Variants in CSMD1 observed in about 807,000 individuals in gnomAD.
CSMD1 encodes CUB and Sushi multiple domains 1.
Under a neutral mutation model 417.5 loss-of-function variants are expected in CSMD1, and 213 were observed. That is an observed-to-expected ratio of 0.51 (90% CI 0.46 to 0.57). CSMD1 has a LOEUF of 0.57. Among genes scored for constraint, CSMD1 ranks in the 20% least tolerant of loss-of-function variants. The pLI is 0.00. For synonymous variants in CSMD1, 2,862 were observed against 1,736.8 expected, an observed-to-expected ratio of 1.65 and a Z score of -16.11; for missense variants, 6,923 against 4,529.7, an observed-to-expected ratio of 1.53 and a Z score of -15.17.
At chr8:4,789,502 G>C (rs1416073377) in intron 1 of CSMD1, among the ~76,000 whole-genome samples, 2 of 152,092 alleles carry the variant, frequency 1.3e-5, no homozygotes, top group Admixed American at 6.6e-5. Context: ...AAATGCTAAA[G>C]CCACCTCACC....
chr8:2,966,116 C>T (rs1038090868), intron 58 of CSMD1, among the ~76,000 whole-genome samples, 162 bp from the exon 59 acceptor site: 4 of 151,726 alleles, frequency 2.6e-5, no homozygotes, highest in African/African-American at 4.8e-5. Context: ...TTCACTGACC[C>T]GCTGTCAGAA....
intron 25 of CSMD1, among the ~76,000 whole-genome samples, chr8:3,301,462 G>A (rs956573174): frequency 4.6e-5 from 7 of 152,146 alleles, no homozygotes; most frequent in Non-Finnish European, 7.3e-5. Context: ...GAAGGTAACT[G>A]ATGAAGAGAA....
chr8:4,189,679 G>C (rs1458835372), intron 3 of CSMD1, among the ~76,000 whole-genome samples: 1 of 152,072 alleles, frequency 6.6e-6, no homozygotes, highest in Non-Finnish European at 1.5e-5. Context: ...GAATGCATTT[G>C]AACGGAAAGA....
At chr8:3,595,685 G>C (rs1028268470) in intron 8 of CSMD1, among the ~76,000 whole-genome samples, 2 of 152,140 alleles carry the variant, frequency 1.3e-5, no homozygotes, top group Admixed American at 1.3e-4. Flanking sequence ...TTGACAATGA[G>C]GTGTGAATTT....
intron 2 of CSMD1, among the ~76,000 whole-genome samples, chr8:4,459,642 A>T (rs1799689579): frequency 6.6e-6 from 1 of 152,224 alleles, no homozygotes; most frequent in African/African-American, 2.4e-5. Context: ...ACAAACCTCA[A>T]AGCCTGGCCT....
At chr8:3,480,349 GAGAA>G (rs1817671597) in intron 11 of CSMD1, among the ~76,000 whole-genome samples, 1 of 152,098 alleles carries the variant, frequency 6.6e-6, no homozygotes, top group African/African-American at 2.4e-5. Flanking sequence ...TGGAGCAATG[GAGAA>G]AGACTCTGTC....
At chr8:3,649,856 A>T (rs987533736) in intron 7 of CSMD1, among the ~76,000 whole-genome samples, 11 of 152,180 alleles carry the variant, frequency 7.2e-5, no homozygotes, top group Non-Finnish European at 1.5e-4. Context: ...ATGTTTTCTC[A>T]ATGTTTAACC....
chr8:3,090,452 G>C (rs1451868655), intron 48 of CSMD1, among the ~76,000 whole-genome samples: 1 of 152,008 alleles, frequency 6.6e-6, no homozygotes, highest in Non-Finnish European at 1.5e-5. Flanking sequence ...ACCTTCCAGA[G>C]GAAGAATATC....
intron 5 of CSMD1, among the ~76,000 whole-genome samples, chr8:3,956,441 G>A (rs1385725975): frequency 1.3e-5 from 2 of 152,174 alleles, no homozygotes; most frequent in African/African-American, 4.8e-5. Context: ...CTATGCTGTT[G>A]CCTTGTGATA....
chr8:4,160,989 G>C (rs990440573), intron 3 of CSMD1, among the ~76,000 whole-genome samples: 2 of 152,166 alleles, frequency 1.3e-5, no homozygotes, highest in East Asian at 3.9e-4. Context: ...ATTATTCTTT[G>C]GTGATCACTT....
In CSMD1 at chr8:4,721,311, G is replaced by C. The variant is rs141320347; in HGVS notation, c.86-83753C>G. On this transcript the variant is annotated intron_variant, in intron 1 of 69. Coordinates refer to ENST00000635120, the MANE Select transcript of CSMD1 (RefSeq NM_033225.6). ...AGAAATAAATACATGTGATTTTGTA[G>C]TTGGTGGGTTTGATGAGTAGAACAA... Among the ~76,000 whole-genome samples, 10 of 152,292 alleles carry C rather than the reference G, an allele frequency of 6.6e-5. No individual in the cohort carries two copies. In the East Asian group the frequency reaches 1.9e-3, roughly 29 times the overall value.
chr8:3,145,464 C>A (rs376571302), intron 40 of CSMD1, among the ~76,000 whole-genome samples: 1 of 151,990 alleles, frequency 6.6e-6, no homozygotes, highest in South Asian at 2.1e-4. Flanking sequence ...TCCAACGTCT[C>A]AAAAGTACAG....
intron 5 of CSMD1, among the ~76,000 whole-genome samples, chr8:3,787,599 A>G (rs1055465697): frequency 6.6e-6 from 1 of 152,224 alleles, no homozygotes; most frequent in Non-Finnish European, 1.5e-5. Flanking sequence ...TGTAGTTGCT[A>G]CAACAGTTAA....
At chr8:4,143,866 C>A (rs965424344) in intron 3 of CSMD1, among the ~76,000 whole-genome samples, 9 of 151,028 alleles carry the variant, frequency 6.0e-5, no homozygotes, top group Non-Finnish European at 1.0e-4. Context: ...CTCTCAGTTA[C>A]CCCTTATCTG....
At chr8:3,312,841 C>A (rs1044964723) in intron 23 of CSMD1, among the ~76,000 whole-genome samples, 2 of 152,132 alleles carry the variant, frequency 1.3e-5, no homozygotes, top group Admixed American at 1.3e-4. Context: ...GACACTTTGA[C>A]CCCTAGGCTG....
chr8:4,366,452 G>A (rs565146401), intron 3 of CSMD1, among the ~76,000 whole-genome samples: 1 of 152,276 alleles, frequency 6.6e-6, no homozygotes, highest in South Asian at 2.1e-4. Context: ...CCAAAGGTGG[G>A]ACTGCTGGTT....
At chr8:4,934,007 T>TAAAA (rs1004757937) in intron 1 of CSMD1, among the ~76,000 whole-genome samples, 1,942 of 150,712 alleles carry the variant, frequency 0.013, 22 homozygotes, top group African/African-American at 0.033. Context: ...GCTTTTTTTT[T>TAAAA]AAAAAAAAAT....
chr8:4,527,909 A>G (rs1796603601), intron 2 of CSMD1, among the ~76,000 whole-genome samples: 1 of 152,164 alleles, frequency 6.6e-6, no homozygotes, highest in Non-Finnish European at 1.5e-5. Flanking sequence ...GGCAACCTAC[A>G]GGGCGTGCCT....
chr8:4,786,103 C>CAAA (rs35255696), intron 1 of CSMD1, among the ~76,000 whole-genome samples: 3 of 151,604 alleles, frequency 2.0e-5, no homozygotes, highest in East Asian at 3.9e-4. Context: ...TGTGTAAGAC[C>CAAA]AAAAAAAATA....
Sources: allele counts gnomAD v4.1 joint callset (sites outside exome capture counted in the v4.1 genomes callset), GRCh38; gene constraint gnomAD v4.1.1; transcripts MANE v1.5; gene names NCBI Gene and HGNC (gene_info 2026-07-23, HGNC 2026-07-21).